The following CELF2 variants were observed in gnomAD, a reference collection of about 807,000 sequenced individuals.
CELF2 encodes the protein CUG triplet repeat RNA-binding protein 2.
CELF2 carries 8 observed loss-of-function variants against 62.6 expected under a neutral mutation model. The observed-to-expected ratio is 0.13, with a 90% CI of 0.07 to 0.23. The LOEUF (loss-of-function observed/expected upper bound fraction) is 0.23. Among genes scored for constraint, CELF2 ranks in the 10% least tolerant of loss-of-function variants. The pLI, the probability that CELF2 is intolerant of heterozygous loss-of-function variation, is 1.00. For synonymous variants in CELF2, 258 were observed against 250.0 expected (o/e 1.03, Z -0.30); for missense variants, 333 against 671.0 (o/e 0.50, Z 5.56).
At chr10:10,932,235 G>C (rs1416705964) in intron 2 of CELF2, among the ~76,000 whole-genome samples, 1 of 152,212 alleles carries the variant, frequency 6.6e-6, no homozygotes. Flanking sequence ...AAGCAGAGTA[G>C]CATGGGGGCT....
Position 10,920,874 on chromosome 10 carries a change from A to G in CELF2, c.89+875A>G, listed in dbSNP as rs551409916. Among the ~76,000 whole-genome samples, 304 of 152,162 alleles carry G rather than the reference A, an allele frequency of 2.0e-3. 3 individuals are homozygous for G. The highest frequency in any genetic ancestry group is 7.1e-3 in the African/African-American group (296 of 41,514). ...GGGAGGGAGGAAGGGGCAATAATTT[A>G]AGAGGTATTTTGCTGGGCATTGAAT... On this transcript the variant is annotated intron_variant, in intron 2 of 13. Coordinates refer to the CELF2 transcript ENST00000636488.
rs556863428 is a variant in CELF2 at position 10,958,169 on chromosome 10, A to G, written c.89+38170A>G. ...TAAAGGGAATTTGACAAGTTTCAAC[A>G]AGAAAGAAAAACTTGCTCAAGCATG... On this transcript the variant is annotated intron_variant, in intron 2 of 13. Transcript: ENST00000636488. 5.3e-5 allele frequency among the ~76,000 whole-genome samples: 8 copies of G among 152,346 alleles called. No individual in the cohort carries two copies. In the South Asian group the frequency reaches 1.5e-3, roughly 28 times the overall value.
intron 1 of CELF2, among the ~76,000 whole-genome samples, chr10:10,911,833 A>G (rs1410876776): frequency 1.3e-5 from 2 of 152,256 alleles, no homozygotes; most frequent in African/African-American, 4.8e-5. Context: ...AAGCAGAACC[A>G]CATCTGTGAA....
chr10:11,150,954 T>C (rs2063222870), intron 1 of CELF2, among the ~76,000 whole-genome samples: 1 of 152,226 alleles, frequency 6.6e-6, no homozygotes, highest in African/African-American at 2.4e-5. Flanking sequence ...TGATTACAGG[T>C]GACTTTTTGG....
At chr10:11,013,100 G>A (rs1004792774), upstream of CELF2, among the ~76,000 whole-genome samples, 6 of 152,096 alleles carry the variant, frequency 3.9e-5, no homozygotes, top group African/African-American at 1.4e-4. The surrounding 1 kb of genome is among the most constrained non-coding windows in gnomAD (Gnocchi z 4.1). Flanking sequence ...TTCAGAAATC[G>A]GCCTTGGTCA....
At chr10:10,716,117 G>A in the CELF2 span, among the ~76,000 whole-genome samples, 4 of 152,182 alleles carry the variant, frequency 2.6e-5, no homozygotes, top group South Asian at 8.3e-4. Context: ...TGGATATATA[G>A]TCATCCATGT....
chr10:11,234,785 A>G (rs948950765), intron 3 of CELF2, among the ~76,000 whole-genome samples: 2 of 151,856 alleles, frequency 1.3e-5, no homozygotes, highest in African/African-American at 4.8e-5. Context: ...AATCCTTTCC[A>G]TCAGGTAGAT....
the CELF2 span, among the ~76,000 whole-genome samples, chr10:10,475,915 A>G: frequency 1.3e-5 from 2 of 151,964 alleles, no homozygotes; most frequent in Admixed American, 1.3e-4. Context: ...TTTCTTTTGT[A>G]ATGGTTGTTG....
intron 1 of CELF2, among the ~76,000 whole-genome samples, chr10:11,137,824 T>C (rs1213657588): frequency 6.6e-6 from 1 of 152,224 alleles, no homozygotes; most frequent in East Asian, 1.9e-4. Flanking sequence ...GAATTATCCA[T>C]ATTCTTTCAG....
At chr10:10,872,140 T>G (rs1360706180) in intron 1 of CELF2, among the ~76,000 whole-genome samples, 1 of 152,186 alleles carries the variant, frequency 6.6e-6, no homozygotes, top group Non-Finnish European at 1.5e-5. Context: ...TGTGGGTATT[T>G]GCAAACTATG....
the CELF2 span, among the ~76,000 whole-genome samples, chr10:10,730,939 A>C: frequency 6.6e-6 from 1 of 152,346 alleles, no homozygotes; most frequent in African/African-American, 2.4e-5. Flanking sequence ...CATGAGACAG[A>C]AATAACCTAT....
At chr10:10,564,729 A>T in the CELF2 span, among the ~76,000 whole-genome samples, 1 of 151,586 alleles carries the variant, frequency 6.6e-6, no homozygotes, top group South Asian at 2.1e-4. Context: ...GAAGAAAAGC[A>T]GCCAAGTGCC....
In CELF2 at chr10:11,191,066, G is replaced by C. The variant is rs985764420; in HGVS notation, c.271+25384G>C. ...TACAGAAAACTTAGAAGTAAATTAG[G>C]GTTTAAATCCAGTTCCCTGAGGTTG... On this transcript the variant is annotated intron_variant, in intron 2 of 12. Transcript: ENST00000633077. The surrounding 1 kb of genome is among the most constrained non-coding windows in gnomAD (Gnocchi z 4.1). Among the ~76,000 whole-genome samples the C allele has an allele frequency of 6.6e-6, 1 of 152,126 alleles. No individual in the cohort carries two copies. The highest frequency in any genetic ancestry group is 1.5e-5 in the Non-Finnish European group (1 of 68,010).
intron 1 of CELF2, among the ~76,000 whole-genome samples, chr10:10,811,310 C>T (rs1240368387): frequency 6.6e-6 from 1 of 152,156 alleles, no homozygotes; most frequent in Non-Finnish European, 1.5e-5. Context: ...CAGGGCTCAG[C>T]TTTATAGAGA....
intron 2 of CELF2, among the ~76,000 whole-genome samples, chr10:11,203,962 A>G (rs1370156800): frequency 1.3e-5 from 2 of 152,230 alleles, no homozygotes; most frequent in Non-Finnish European, 2.9e-5. Context: ...TCCAACTGAA[A>G]GGATGAAGCT....
chr10:10,571,342 G>A, the CELF2 span, among the ~76,000 whole-genome samples: 1 of 152,194 alleles, frequency 6.6e-6, no homozygotes, highest in Non-Finnish European at 1.5e-5. Context: ...GGCCTGGGAA[G>A]GCACTGCAAG....
intron 7 of CELF2, among the ~76,000 whole-genome samples, chr10:11,272,014 T>C (rs2083996724): frequency 6.6e-6 from 1 of 152,228 alleles, no homozygotes. Flanking sequence ...TACTGCCTCT[T>C]TGAGGACTCC....
At chr10:11,283,916 T>G (rs2090013456) in intron 8 of CELF2, among the ~76,000 whole-genome samples, 7 of 126,410 alleles carry the variant, frequency 5.5e-5, no homozygotes, top group Admixed American at 1.6e-4. Flanking sequence ...GTGTGGTAGG[T>G]GGATGATGGA....
intron 3 of CELF2, among the ~76,000 whole-genome samples, chr10:11,234,667 G>T (rs1435929048): frequency 1.8e-5 from 2 of 113,904 alleles, no homozygotes; most frequent in East Asian, 5.1e-4. Context: ...GGGTGACAGT[G>T]AGACTCCATC....
Sources: gnomAD v4.1 joint callset for allele counts (sites outside exome capture counted in the v4.1 genomes callset) on GRCh38, gnomAD v4.1.1 for gene constraint, Gnocchi (gnomAD v3.1) non-coding constraint, MANE v1.5 for transcripts, NCBI Gene and HGNC (gene_info 2026-07-23, HGNC 2026-07-21) for gene names.